Variants in SGSM1 observed in about 807,000 individuals in gnomAD.
The protein encoded by SGSM1 is RUN and TBC1 domain containing 2.
In SGSM1, 73 loss-of-function variants were observed where a neutral mutation model predicts 133.8. That is an observed-to-expected ratio of 0.55 (90% CI 0.45 to 0.66). The LOEUF is 0.66. Among genes scored for constraint, SGSM1 ranks in the 30% least tolerant of loss-of-function variants. The pLI is 0.00. For missense variants in SGSM1, 1,213 were observed against 1,448.1 expected (o/e 0.84, Z 2.64); for synonymous variants, 563 against 573.0 (o/e 0.98, Z 0.25).
chr22:24,890,248 G>T (rs544723575), intron 16 of SGSM1, among the ~76,000 whole-genome samples: 4 of 152,022 alleles, frequency 2.6e-5, no homozygotes, highest in Admixed American at 2.0e-4. Context: ...GAGCCACCAC[G>T]CCCGGACTTA....
At position 24,850,409 on chromosome 22, in the gene SGSM1, G is replaced by GC; in HGVS notation, c.433dup (p.His145ProfsTer9). The GC allele has an allele frequency of 6.2e-7, 1 of 1,613,948 alleles. No homozygotes were observed. The highest frequency in any genetic ancestry group is 8.5e-7 in the Non-Finnish European group (1 of 1,179,872). ...TTGAGAAGGTCCTGGACAAAATTGT[G>GC]CATTACCTTGTGGAAAACAGCAGGT... On this transcript the variant is annotated frameshift_variant, in exon 5 of 25. Coordinates refer to ENST00000400358, the MANE Select transcript of SGSM1 (RefSeq NM_001098497.3). LOFTEE classifies it high-confidence loss of function.
chr22:24,921,418 C>T (rs139220988), intron 24 of SGSM1, among the ~76,000 whole-genome samples: 2,570 of 152,194 alleles, frequency 0.017, 39 homozygotes, highest in South Asian at 0.06. Flanking sequence ...TTTAAAACTA[C>T]AAAATATATC....
In SGSM1 at chr22:24,882,169, C is replaced by T. The variant is rs543141267; in HGVS notation, c.1496-1884C>T. Among the ~76,000 whole-genome samples the T allele has an allele frequency of 1.4e-4, 21 of 152,252 alleles. No homozygotes were observed. In the South Asian group the frequency reaches 3.1e-3, roughly 23 times the overall value. On this transcript the variant is annotated intron_variant, in intron 14 of 24. Coordinates refer to ENST00000400358, the MANE Select transcript of SGSM1 (RefSeq NM_001098497.3). Reference sequence around the variant, plus strand: ...GCACCCTCTACCTCCCTGGCTGAAGCGATCCTCCCACCTCAGCCTCCTGAG... The same window carrying T: ...GCACCCTCTACCTCCCTGGCTGAAGTGATCCTCCCACCTCAGCCTCCTGAG...
chr22:24,899,498 A>G (rs1443885328), intron 19 of SGSM1, among the ~76,000 whole-genome samples: 2 of 147,216 alleles, frequency 1.4e-5, no homozygotes, highest in East Asian at 4.0e-4. Flanking sequence ...AGTGGCTTCC[A>G]CATTTTTTGC....
rs181780492 is a variant in SGSM1, at chr22:24,924,605, A to G, written c.*331A>G. On this transcript the variant is annotated 3_prime_UTR_variant, in exon 25 of 25. Transcript: ENST00000400358. ...AATGGTCTCCTCTTCTTCTTTCCCTATCCCTCCAAACTGTCTTGTAAGATG... is the reference window on the plus strand; with the variant it reads ...AATGGTCTCCTCTTCTTCTTTCCCTGTCCCTCCAAACTGTCTTGTAAGATG... 9 of 351,590 alleles carry G rather than the reference A, an allele frequency of 2.6e-5. No homozygotes were observed. Among genetic ancestry groups the G allele is most frequent in the African/African-American group, 1.2e-4 (6 of 48,086 alleles). The allele number at this position is 351,590 out of a possible 1,614,324, so 21.8% of individuals were successfully genotyped here.
intron 21 of SGSM1, among the ~76,000 whole-genome samples, chr22:24,907,851 G>A (rs1461751466): frequency 7.7e-6 from 1 of 130,128 alleles, no homozygotes. Flanking sequence ...GGCGGAGCTT[G>A]CAATGAACTG....
At chr22:24,872,649 T>C (rs1244138571) in intron 12 of SGSM1, among the ~76,000 whole-genome samples, 2 of 152,232 alleles carry the variant, frequency 1.3e-5, no homozygotes, top group Admixed American at 6.5e-5. Flanking sequence ...CCAGGCCCAG[T>C]GGCCCACGCC....
At position 24,898,432 on chromosome 22, in the gene SGSM1, C is replaced by A; in HGVS notation, c.2483C>A (p.Ala828Glu). ...AGCGAGACAGAGAAACATGGCCAGGCGGACAGTGAGGACAACCTCTCGGAG... is the reference window on the plus strand; with the variant it reads ...AGCGAGACAGAGAAACATGGCCAGGAGGACAGTGAGGACAACCTCTCGGAG... ...RSSETEKHGQ[A>E]DSEDNLSEEP... Residue 828 changes from alanine (A) to glutamate (E), a missense_variant, in exon 19 of 25, where the codon GCG (alanine) becomes GAG (glutamate). By Grantham distance (107) the Ala-to-Glu change is moderately radical. Coordinates refer to ENST00000400358, the MANE Select transcript of SGSM1 (RefSeq NM_001098497.3). 2 of 1,613,714 alleles carry A rather than the reference C, an allele frequency of 1.2e-6. No homozygotes were observed. The highest frequency in any genetic ancestry group is 2.2e-5 in the South Asian group (2 of 91,050).
At chr22:24,848,279 G>A (rs531192567) in intron 4 of SGSM1, among the ~76,000 whole-genome samples, 3 of 152,120 alleles carry the variant, frequency 2.0e-5, no homozygotes, top group South Asian at 2.1e-4. Context: ...TTGAGTGAGT[G>A]CCTGCTAGGA....
chr22:24,884,282 T>A, intron 15 of SGSM1, 84 bp downstream of exon 15: 1 of 1,488,648 alleles, frequency 6.7e-7, no homozygotes, highest in Non-Finnish European at 9.0e-7. Flanking sequence ...GCCCACATGC[T>A]TGTGGGGACT....
At chr22:24,906,209 C>T (rs980800866) in intron 21 of SGSM1, among the ~76,000 whole-genome samples, 3 of 152,140 alleles carry the variant, frequency 2.0e-5, no homozygotes, top group African/African-American at 7.2e-5. Flanking sequence ...CAAAATCCAA[C>T]ACCCTTTCAT....
chr22:24,828,179 C>A (rs1338374778), intron 2 of SGSM1, among the ~76,000 whole-genome samples: 1 of 151,940 alleles, frequency 6.6e-6, no homozygotes, highest in Admixed American at 6.6e-5. Flanking sequence ...TTCAGATGAC[C>A]CAGTACTGGG....
At chr22:24,864,279 C>T (rs1174008400) in intron 9 of SGSM1, among the ~76,000 whole-genome samples, 1 of 152,212 alleles carries the variant, frequency 6.6e-6, no homozygotes, top group East Asian at 1.9e-4. Flanking sequence ...CTTGTAACAT[C>T]CCCTTACCTT....
intron 12 of SGSM1, among the ~76,000 whole-genome samples, chr22:24,875,330 T>C (rs1184501380): frequency 6.6e-6 from 1 of 152,148 alleles, no homozygotes; most frequent in Non-Finnish European, 1.5e-5. Flanking sequence ...GACATGAAAA[T>C]GATATGACAT....
intron 2 of SGSM1, among the ~76,000 whole-genome samples, chr22:24,815,287 A>G (rs1449008410): frequency 6.6e-6 from 1 of 152,214 alleles, no homozygotes; most frequent in Non-Finnish European, 1.5e-5. Context: ...GCTGCTGGCC[A>G]CACAGAAGGC....
At position 24,855,425 on chromosome 22, in the gene SGSM1, C is replaced by G; in HGVS notation, c.664C>G (p.Leu222Val). The G allele has an allele frequency of 2.5e-6, 4 of 1,613,456 alleles. No homozygotes were observed. The highest frequency in any genetic ancestry group is 3.4e-6 in the Non-Finnish European group (4 of 1,179,792). Reference protein sequence around the residue: ...RQDSPTKRPALCIQKRHSSGS... With the variant: ...RQDSPTKRPAVCIQKRHSSGS... The stretch of plus-strand genomic sequence containing the variant: ...GGACTCGCCCACCAAGCGTCCTGCC[C>G]TCTGTGTGAGTGGGGTGGACAGTGG... The change falls in exon 7 of 25, where the codon CTC becomes GTC. Residue 222 changes from leucine to valine, a missense_variant. Leu to Val is a conservative substitution (Grantham distance 32). Transcript: ENST00000400358.
At position 24,806,265 on chromosome 22, in the gene SGSM1, G is replaced by T; in HGVS notation, c.-61G>T. Reference sequence around the variant, plus strand: ...CTGCAGCAGCAGCGCCGCGGCCGGAGGAGCTACCGCCGCCACCGCCGCCAC... The same window carrying T: ...CTGCAGCAGCAGCGCCGCGGCCGGATGAGCTACCGCCGCCACCGCCGCCAC... On this transcript the variant is annotated 5_prime_UTR_variant, in exon 1 of 25. It adds an upstream start codon to the 5' untranslated region. Transcript: ENST00000400358. The T allele has an allele frequency of 1.4e-6, 2 of 1,384,052 alleles. No individual in the cohort carries two copies. The highest frequency in any genetic ancestry group is 5.3e-4 in the Middle Eastern group (2 of 3,792). The allele number at this position is 1,384,052 out of a possible 1,614,324, so 85.7% of individuals were successfully genotyped here.
chr22:24,817,539 G>T (rs1288863036), intron 2 of SGSM1, among the ~76,000 whole-genome samples: 1 of 152,048 alleles, frequency 6.6e-6, no homozygotes, highest in African/African-American at 2.4e-5. Context: ...TTTTAGTAGA[G>T]ACTGGGTTTC....
chr22:24,876,524 C>T lies in SGSM1; in HGVS notation c.1292-53C>T, dbSNP rs9917588. On this transcript the variant is annotated intron_variant, in intron 12 of 24. Coordinates refer to ENST00000400358, the MANE Select transcript of SGSM1 (RefSeq NM_001098497.3). ...TGCTCTAGGGTGAGATTTCTGTGACCCACATAGGTTTAACCAGGGTGATTC... is the reference window on the plus strand; with the variant it reads ...TGCTCTAGGGTGAGATTTCTGTGACTCACATAGGTTTAACCAGGGTGATTC... 2.2e-3 allele frequency: 3,590 copies of T among 1,607,062 alleles called. 48 individuals are homozygous for T. In the African/African-American group the frequency reaches 0.041, roughly 18 times the overall value.
Sources: allele counts gnomAD v4.1 joint callset (sites outside exome capture counted in the v4.1 genomes callset), GRCh38; gene constraint gnomAD v4.1.1; transcripts MANE v1.5; gene names NCBI Gene and HGNC (gene_info 2026-07-23, HGNC 2026-07-21).